DAPK1: variants seen among roughly 807,000 people sequenced by gnomAD.
DAPK1 encodes death associated protein kinase 1.
Under a neutral mutation model 144.9 loss-of-function variants are expected in DAPK1, and 56 were observed. The ratio of observed to expected loss-of-function variants is 0.39; its 90% CI spans 0.31 to 0.48. The LOEUF is 0.48. Ranked by LOEUF, DAPK1 falls within the 20% of genes least tolerant of loss-of-function variation. DAPK1 has a pLI of 0.95. For synonymous variants in DAPK1, 690 were observed against 749.0 expected (o/e 0.92, Z 1.29); for missense variants, 1,454 against 1,875.4 (o/e 0.78, Z 4.15).
intron 2 of DAPK1, among the ~76,000 whole-genome samples, chr9:87,536,021 C>T (rs1825850197): frequency 6.6e-6 from 1 of 152,130 alleles, no homozygotes. Context: ...TATACCTGTC[C>T]CCAGCCTCTT....
chr9:87,588,522 A>T (rs1371058587), intron 2 of DAPK1, among the ~76,000 whole-genome samples: 1 of 152,200 alleles, frequency 6.6e-6, no homozygotes, highest in Non-Finnish European at 1.5e-5. Flanking sequence ...GACCATGCTG[A>T]GACTCAGCAA....
At chr9:87,671,371 ATATAAAATATATTTTATAGTT>A (rs1011509118) in intron 19 of DAPK1, among the ~76,000 whole-genome samples, 2 of 151,990 alleles carry the variant, frequency 1.3e-5, no homozygotes, top group African/African-American at 2.4e-5. Context: ...AAATACAAAA[ATATAAAATATATTTTATAGTT>A]TATAAAATAG....
rs533807308 is a variant in DAPK1, at chr9:87,533,859, C to T, written c.62+34720C>T. On this transcript the variant is annotated intron_variant, in intron 2 of 25. Transcript: ENST00000408954. Reference sequence around the variant, plus strand: ...TGTATTTTGAGTTGAGACGGGGTTTCGCCATGTTGGCCAGGCTGGTCTCAA... The same window carrying T: ...TGTATTTTGAGTTGAGACGGGGTTTTGCCATGTTGGCCAGGCTGGTCTCAA... 3.9e-5 allele frequency among the ~76,000 whole-genome samples: 6 copies of T among 152,146 alleles called. No homozygotes were observed. The South Asian group carries it at 6.2e-4, about 16-fold the overall frequency.
intron 19 of DAPK1, among the ~76,000 whole-genome samples, chr9:87,672,922 C>G (rs946252094): frequency 2.6e-5 from 4 of 152,108 alleles, no homozygotes; most frequent in African/African-American, 7.2e-5. Flanking sequence ...TAACTTGGGT[C>G]ACCTGGAGGA....
chr9:87,578,612 GTGCCTGTTTCCTTGTACTTT>G (rs1408650498), intron 2 of DAPK1, among the ~76,000 whole-genome samples: 1 of 152,230 alleles, frequency 6.6e-6, no homozygotes, highest in Non-Finnish European at 1.5e-5. Context: ...GAATAAGACA[GTGCCTGTTTCCTTGTACTTT>G]TGCTAAAGTT....
intron 2 of DAPK1, among the ~76,000 whole-genome samples, chr9:87,532,614 CT>C (rs1476170477): frequency 2.0e-5 from 3 of 152,134 alleles, no homozygotes; most frequent in Admixed American, 1.3e-4. Flanking sequence ...TTTATACCCC[CT>C]ATGCAAAACT....
chr9:87,603,850 T>G lies in DAPK1; in HGVS notation c.63-1104T>G, dbSNP rs188211072. 1.7e-4 allele frequency among the ~76,000 whole-genome samples: 26 copies of G among 152,288 alleles called. No homozygotes were observed. The East Asian group carries it at 4.3e-3, about 25-fold the overall frequency. On this transcript the variant is annotated intron_variant, in intron 2 of 25. Coordinates refer to ENST00000408954, the MANE Select transcript of DAPK1 (RefSeq NM_004938.4). ...TCTCACGCACTTACTGCCTACCCCTTATTATTTTGAGTCAAGTTCTATTAT... is the reference window on the plus strand; with the variant it reads ...TCTCACGCACTTACTGCCTACCCCTGATTATTTTGAGTCAAGTTCTATTAT...
intron 3 of DAPK1, among the ~76,000 whole-genome samples, chr9:87,606,722 TCTCC>T (rs1354506011): frequency 4.1e-5 from 3 of 72,510 alleles, no homozygotes; most frequent in African/African-American, 1.4e-4. Flanking sequence ...TCCCTCTCTC[TCTCC>T]CTCCCTCCCT....
rs36214014 is a variant in DAPK1, at chr9:87,650,140, A to T, written c.1626+22A>T. 359 of 1,612,886 alleles carry T rather than the reference A, an allele frequency of 2.2e-4. 1 individual carries two copies. The African/African-American group carries it at 4.3e-3, about 19-fold the overall frequency. On this transcript the variant is annotated intron_variant, in intron 16 of 25. Coordinates refer to ENST00000408954, the MANE Select transcript of DAPK1 (RefSeq NM_004938.4). ...CAAGGTGCCTTATGGGGGAAGACTC[A>T]TATGCACTGGGAAGTGATCTAGGGG... is the stretch of plus-strand genomic sequence containing the variant.
At chr9:87,572,547 GC>G (rs754426562) in intron 2 of DAPK1, among the ~76,000 whole-genome samples, 5 of 152,132 alleles carry the variant, frequency 3.3e-5, no homozygotes, top group Non-Finnish European at 5.9e-5. Context: ...GTTACTCCTG[GC>G]TTGATGCTGT....
chr9:87,525,096 G>A (rs1026131994), intron 2 of DAPK1, among the ~76,000 whole-genome samples: 3 of 152,142 alleles, frequency 2.0e-5, no homozygotes, highest in Admixed American at 6.5e-5. Context: ...TGCACCCTGA[G>A]GTCTCCCTGG....
rs191697446 is a variant in DAPK1, at chr9:87,608,358, A to G, written c.284+3183A>G. 3.8e-3 allele frequency among the ~76,000 whole-genome samples: 581 copies of G among 152,296 alleles called. 1 individual carries two copies. The highest frequency in any genetic ancestry group is 0.012 in the African/African-American group (493 of 41,548). ...TTATTACTGAGTAGTATTTCATTGT[A>G]TGGATTTTTTATAAACCATTCACCC... On this transcript the variant is annotated intron_variant, in intron 3 of 25. Coordinates refer to ENST00000408954, the MANE Select transcript of DAPK1 (RefSeq NM_004938.4).
chr9:87,565,185 A>C (rs1827072038), intron 2 of DAPK1, among the ~76,000 whole-genome samples: 1 of 152,196 alleles, frequency 6.6e-6, no homozygotes, highest in African/African-American at 2.4e-5. Flanking sequence ...GATATGTTGC[A>C]GAGGTCCTGG....
In DAPK1 at chr9:87,706,780, C is replaced by T. The variant is rs1181572520; in HGVS notation, c.3709C>T (p.Leu1237=). 3.1e-6 allele frequency: 5 copies of T among 1,613,456 alleles called. No homozygotes were observed. The highest frequency in any genetic ancestry group is 4.2e-6 in the Non-Finnish European group (5 of 1,179,788). ...AGGGCTCCTGACCGTGAAGCATTAC[C>T]TGAGCCCCCAGCAGCTGCGGGAGCA... ...LPGLLTVKHY[L]SPQQLREHHE... is the part of the protein sequence containing the mutation. Residue 1237 remains leucine (L), a synonymous_variant, in exon 26 of 26, where the codon CTG becomes TTG. Transcript: ENST00000408954. The surrounding 1 kb of genome is among the most constrained non-coding windows in gnomAD (Gnocchi z 9.0).
rs1280493801 is a variant in DAPK1 at position 87,707,420 on chromosome 9, G to A, written c.*56G>A. ...TGGACTGCAGAAGCAAGGGGGTGATGTAGCCCATCCTTCCCTTTGGAGATG... is the reference window on the plus strand; with the variant it reads ...TGGACTGCAGAAGCAAGGGGGTGATATAGCCCATCCTTCCCTTTGGAGATG... On this transcript the variant is annotated 3_prime_UTR_variant, in exon 26 of 26. Transcript: ENST00000408954. The surrounding 1 kb of genome is among the most constrained non-coding windows in gnomAD (Gnocchi z 4.0). The A allele has an allele frequency of 2.4e-6, 3 of 1,234,714 alleles. No homozygotes were observed. Among genetic ancestry groups the A allele is most frequent in the Non-Finnish European group, 3.4e-6 (3 of 870,858 alleles). The allele number at this position is 1,234,714 out of a possible 1,614,324, so 76.5% of individuals were successfully genotyped here.
chr9:87,521,635 T>A (rs902469523), intron 2 of DAPK1, among the ~76,000 whole-genome samples: 3 of 152,234 alleles, frequency 2.0e-5, no homozygotes, highest in Non-Finnish European at 4.4e-5. Flanking sequence ...AGGAGAAGGA[T>A]GACATCTCAT....
At chr9:87,623,322 C>T (rs1829372284) in intron 3 of DAPK1, among the ~76,000 whole-genome samples, 2 of 152,100 alleles carry the variant, frequency 1.3e-5, no homozygotes, top group South Asian at 4.1e-4. Context: ...CTTCCTTTTC[C>T]ACACAGGCTG....
At chr9:87,572,745 G>A (rs36203592) in intron 2 of DAPK1, among the ~76,000 whole-genome samples, 4 of 152,260 alleles carry the variant, frequency 2.6e-5, no homozygotes, top group Non-Finnish European at 5.9e-5. Context: ...TATACGGCCT[G>A]CAGAATCGTG....
Position 87,707,846 on chromosome 9 carries a change from C to T in DAPK1, c.*482C>T, listed in dbSNP as rs1825697315. The T allele has an allele frequency of 2.2e-6, 1 of 456,680 alleles. No individual in the cohort carries two copies. Among genetic ancestry groups the T allele is most frequent in the East Asian group, 6.9e-5 (1 of 14,406 alleles). The allele number at this position is 456,680 out of a possible 1,614,324, so 28.3% of individuals were successfully genotyped here. A position where few individuals can be genotyped will look rare whatever the true frequency, so the allele number is the denominator to read the frequency against. On this transcript the variant is annotated 3_prime_UTR_variant, in exon 26 of 26. Coordinates refer to ENST00000408954, the MANE Select transcript of DAPK1 (RefSeq NM_004938.4). The surrounding 1 kb of genome is among the most constrained non-coding windows in gnomAD (Gnocchi z 4.0). ...TCTTTTATATTTGTAGGAGAAACTC[C>T]CATGTATGGAATCCCACTGTATGAT...
Sources: allele counts gnomAD v4.1 joint callset (sites outside exome capture counted in the v4.1 genomes callset), GRCh38; gene constraint gnomAD v4.1.1; non-coding constraint Gnocchi (gnomAD v3.1); transcripts MANE v1.5; gene names NCBI Gene and HGNC (gene_info 2026-07-23, HGNC 2026-07-21).